The following DLGAP2 variants were observed in gnomAD, a reference collection of about 807,000 sequenced individuals.
DLGAP2 encodes DLG associated protein 2.
Under a neutral mutation model 100.3 loss-of-function variants are expected in DLGAP2, and 26 were observed. The observed-to-expected ratio is 0.26, with a 90% CI of 0.19 to 0.36. The LOEUF is 0.36. Among genes scored for constraint, DLGAP2 ranks in the 10% least tolerant of loss-of-function variants. The pLI, the probability that DLGAP2 is intolerant of heterozygous loss-of-function variation, is 1.00. For missense variants in DLGAP2, 1,858 were observed against 1,453.2 expected (o/e 1.28, Z -4.53); for synonymous variants, 886 against 630.1 (o/e 1.41, Z -6.08).
intron 4 of DLGAP2, among the ~76,000 whole-genome samples, chr8:1,536,670 TGCAGTCA>T (rs1272827735): frequency 1.3e-5 from 2 of 152,220 alleles, no homozygotes. Context: ...TGTCCTCAGG[TGCAGTCA>T]GCAGACTCTG....
Position 1,185,711 on chromosome 8 carries a change from ACACACACACACACACTCACACT to A in DLGAP2, c.74-73126_74-73105del, listed in dbSNP as rs1439221187. Among the ~76,000 whole-genome samples, 535 of 86,774 alleles carry A rather than the reference ACACACACACACACACTCACACT, an allele frequency of 6.2e-3. 1 individual carries two copies. The highest frequency in any genetic ancestry group is 0.033 in the African/African-American group (509 of 15,198). The allele number at this position is 86,774 out of a possible 152,430, so 56.9% of individuals were successfully genotyped here. A position where few individuals can be genotyped will look rare whatever the true frequency, so the allele number is the denominator to read the frequency against. On this transcript the variant is annotated intron_variant, in intron 2 of 14. Transcript: ENST00000637795. Reference sequence around the variant, plus strand: ...GCTGTAAACACACACACTCACACTCACACACACACACACACTCACACTCACACACACACACTCACACACATTC... The same window carrying A: ...GCTGTAAACACACACACTCACACTCACACACACACACACTCACACACATTC...
intron 3 of DLGAP2, among the ~76,000 whole-genome samples, chr8:1,386,757 A>G (rs6996323): frequency 0.54 from 82,455 of 151,966 alleles, 22,617 homozygotes; most frequent in East Asian, 0.7. Context: ...AGGCCACACC[A>G]GCATAGAATG....
chr8:1,702,168 G>A lies in DLGAP2; in HGVS notation c.*762G>A, dbSNP rs1346228809. The A allele has an allele frequency of 6.6e-6, 1 of 152,184 alleles. No individual in the cohort carries two copies. The highest frequency in any genetic ancestry group is 1.5e-5 in the Non-Finnish European group (1 of 68,044). 9.4% of individuals were successfully genotyped at this position (152,184 alleles called of 1,614,324 possible). A position where few individuals can be genotyped will look rare whatever the true frequency, so the allele number is the denominator to read the frequency against. On this transcript the variant is annotated 3_prime_UTR_variant, in exon 15 of 15. Coordinates refer to ENST00000637795, the MANE Select transcript of DLGAP2 (RefSeq NM_001346810.2). ...CGCGCAGAGAGGAGAGTCTTACGGA[G>A]GGCTGGGAGCTTAAAAGGAAAACAA...
At chr8:1,169,836 A>G (rs544273022) in intron 2 of DLGAP2, among the ~76,000 whole-genome samples, 10 of 151,922 alleles carry the variant, frequency 6.6e-5, no homozygotes, top group Non-Finnish European at 1.3e-4. Context: ...AAACAGAGAC[A>G]ATTTGACTTC....
intron 2 of DLGAP2, among the ~76,000 whole-genome samples, chr8:960,233 A>ATTTTTTTTTTTT (rs1228650565): frequency 3.6e-4 from 3 of 8,304 alleles, no homozygotes; most frequent in African/African-American, 1.2e-3. Flanking sequence ...TTCCTGAAGT[A>ATTTTTTTTTTTT]TATCTTTTTT....
intron 6 of DLGAP2, among the ~76,000 whole-genome samples, chr8:1,606,882 A>G (rs979163604): frequency 2.6e-5 from 4 of 152,154 alleles, no homozygotes; most frequent in African/African-American, 9.7e-5. Flanking sequence ...ACGAGATTTC[A>G]TCATGTTGCC....
chr8:748,422 G>A (rs1203454875), intron 1 of DLGAP2, among the ~76,000 whole-genome samples: 1 of 152,098 alleles, frequency 6.6e-6, no homozygotes, highest in Non-Finnish European at 1.5e-5. Flanking sequence ...AGCCACAGGG[G>A]TGCAGGGCCC....
At chr8:1,581,806 G>T (rs192088588) in intron 6 of DLGAP2, among the ~76,000 whole-genome samples, 5 of 102,978 alleles carry the variant, frequency 4.9e-5, no homozygotes, top group East Asian at 7.0e-4. Flanking sequence ...CCCCACACAC[G>T]TCTACACACC....
chr8:1,325,246 C>T (rs1476674264), intron 3 of DLGAP2, among the ~76,000 whole-genome samples: 2 of 152,210 alleles, frequency 1.3e-5, no homozygotes, highest in Non-Finnish European at 2.9e-5. Context: ...CATTCCACGA[C>T]CCCAAGAGTG....
intron 2 of DLGAP2, among the ~76,000 whole-genome samples, chr8:1,006,081 C>T (rs747345261): frequency 2.6e-5 from 4 of 152,034 alleles, no homozygotes; most frequent in South Asian, 2.1e-4. Flanking sequence ...CACAGGTACT[C>T]GGGAGGCTGA....
chr8:1,573,024 G>T (rs2956925), intron 6 of DLGAP2, among the ~76,000 whole-genome samples: 12,867 of 56,496 alleles, frequency 0.23, 1,285 homozygotes, highest in South Asian at 0.35. Context: ...GAGAGAGGGT[G>T]GACTGTGGGG....
intron 3 of DLGAP2, among the ~76,000 whole-genome samples, chr8:1,277,081 C>A (rs1799712715): frequency 6.6e-6 from 1 of 152,082 alleles, no homozygotes; most frequent in Non-Finnish European, 1.5e-5. Flanking sequence ...ACAAGTTGTA[C>A]CTTCTGGAAT....
At chr8:917,166 A>C (rs1034685902) in intron 2 of DLGAP2, among the ~76,000 whole-genome samples, 1 of 151,868 alleles carries the variant, frequency 6.6e-6, no homozygotes, top group Non-Finnish European at 1.5e-5. Context: ...CCTTTTGCCT[A>C]TTTTACCCAC....
intron 2 of DLGAP2, among the ~76,000 whole-genome samples, chr8:1,039,177 TG>T (rs1309660715): frequency 7.0e-6 from 1 of 142,528 alleles, no homozygotes; most frequent in Non-Finnish European, 1.5e-5. Context: ...TCGGTGTGCG[TG>T]GTCAGCTCGG....
At chr8:833,394 C>G (rs1443335257) in intron 1 of DLGAP2, among the ~76,000 whole-genome samples, 1 of 152,190 alleles carries the variant, frequency 6.6e-6, no homozygotes, top group Non-Finnish European at 1.5e-5. Context: ...GGGTGTCAGC[C>G]AGGCCAGCTC....
At chr8:1,234,227 G>A (rs933751699) in intron 2 of DLGAP2, among the ~76,000 whole-genome samples, 8 of 152,230 alleles carry the variant, frequency 5.3e-5, no homozygotes, top group Non-Finnish European at 1.2e-4. Context: ...TCTGTAACCA[G>A]TGGCACAACC....
intron 3 of DLGAP2, among the ~76,000 whole-genome samples, chr8:1,298,860 G>A (rs933901551): frequency 1.1e-4 from 16 of 152,148 alleles, no homozygotes; most frequent in African/African-American, 2.9e-4. Context: ...ATGTCCCAGC[G>A]AACTCCCATG....
rs112075635 is a variant in DLGAP2 at position 1,689,908 on chromosome 8, T to C, written c.2705-1627T>C. Among the ~76,000 whole-genome samples, 1,190 of 152,338 alleles carry C rather than the reference T, an allele frequency of 7.8e-3. 22 individuals carry two copies. The highest frequency in any genetic ancestry group is 0.027 in the African/African-American group (1,116 of 41,570). ...ATGGAAGAACGGTGAATTGTTGCTC[T>C]GGCAAATAATATCCAGCAGAGATCA... On this transcript the variant is annotated intron_variant, in intron 12 of 14. Transcript: ENST00000637795.
In DLGAP2 at chr8:868,653, C is replaced by G. The variant is rs547123472; in HGVS notation, c.19-39259C>G. 2.6e-5 allele frequency among the ~76,000 whole-genome samples: 4 copies of G among 152,330 alleles called. No homozygotes were observed. The South Asian group carries it at 8.3e-4, about 32-fold the overall frequency. ...CTCGCTGGAGCATTCATGTGCTCTT[C>G]CAAGGGTGCGCGGCACCTTGAAGAA... On this transcript the variant is annotated intron_variant, in intron 1 of 14. Coordinates refer to ENST00000637795, the MANE Select transcript of DLGAP2 (RefSeq NM_001346810.2).
Sources: gnomAD v4.1 joint callset for allele counts (sites outside exome capture counted in the v4.1 genomes callset) on GRCh38, gnomAD v4.1.1 for gene constraint, MANE v1.5 for transcripts, NCBI Gene and HGNC (gene_info 2026-07-23, HGNC 2026-07-21) for gene names.